Variants in CALN1 observed in about 807,000 individuals in gnomAD.
CALN1 encodes the protein calneuron 1, also known as calcium-binding protein 8.
Under a neutral mutation model 30.6 loss-of-function variants are expected in CALN1, and 17 were observed. The ratio of observed to expected loss-of-function variants is 0.56; its 90% CI spans 0.38 to 0.83. The LOEUF (loss-of-function observed/expected upper bound fraction) is 0.83. Ranked by LOEUF, CALN1 falls within the 40% of genes least tolerant of loss-of-function variation. The probability of loss-of-function intolerance (pLI) is 0.00; values close to 1 mark genes in which losing one functional copy is unlikely to be tolerated. For missense variants in CALN1, 291 were observed against 354.9 expected (o/e 0.82, Z 1.45); for synonymous variants, 156 against 131.4 (o/e 1.19, Z -1.28).
At chr7:72,070,506 T>C (rs1362486783) in intron 4 of CALN1, among the ~76,000 whole-genome samples, 1 of 152,188 alleles carries the variant, frequency 6.6e-6, no homozygotes, top group East Asian at 1.9e-4. Flanking sequence ...CACCTGCTCT[T>C]CATAATTATT....
chr7:72,248,167 T>C (rs1311118519), intron 3 of CALN1, among the ~76,000 whole-genome samples: 1 of 152,156 alleles, frequency 6.6e-6, no homozygotes, highest in Admixed American at 6.5e-5. Flanking sequence ...CAGGCTGGAG[T>C]GCAATGGCAC....
intron 4 of CALN1, among the ~76,000 whole-genome samples, chr7:72,101,949 G>A (rs1010084854): frequency 6.6e-6 from 1 of 152,198 alleles, no homozygotes; most frequent in Non-Finnish European, 1.5e-5. Context: ...TCTAAGGCAG[G>A]ATCTAGCTGG....
intron 2 of CALN1, among the ~76,000 whole-genome samples, chr7:72,361,898 T>C (rs1309755605): frequency 6.6e-6 from 1 of 152,116 alleles, no homozygotes; most frequent in African/African-American, 2.4e-5. Flanking sequence ...GTAATATCCA[T>C]TACAAATCAC....
chr7:72,308,086 G>C (rs1165250389), intron 2 of CALN1, among the ~76,000 whole-genome samples: 4 of 152,106 alleles, frequency 2.6e-5, no homozygotes, highest in Non-Finnish European at 5.9e-5. Context: ...AACTAGGGCT[G>C]GGTGCAGTGG....
chr7:72,282,392 T>C (rs183862527), intron 2 of CALN1, among the ~76,000 whole-genome samples: 9 of 152,246 alleles, frequency 5.9e-5, no homozygotes, highest in East Asian at 1.9e-4. Flanking sequence ...TCTGAATGAA[T>C]GTGTCCCCCA....
intron 5 of CALN1, among the ~76,000 whole-genome samples, chr7:71,901,500 C>T (rs1216503583): frequency 6.7e-6 from 1 of 149,088 alleles, no homozygotes; most frequent in Non-Finnish European, 1.5e-5. Context: ...GAGGCATCAA[C>T]ATTACCTAAC....
At chr7:72,208,994 T>TTCCTTCCCTCCTTCCC in intron 3 of CALN1, among the ~76,000 whole-genome samples, 1 of 145,440 alleles carries the variant, frequency 6.9e-6, no homozygotes. Context: ...ACTTCCTTCC[T>TTCCTTCCCTCCTTCCC]TCCTTCCCTC....
chr7:72,110,061 C>T (rs1218880263), intron 3 of CALN1, among the ~76,000 whole-genome samples: 2 of 152,204 alleles, frequency 1.3e-5, no homozygotes, highest in African/African-American at 4.8e-5. Flanking sequence ...CCCAAGGCAT[C>T]ATCTCCACTT....
rs934029395 is a variant in CALN1 at position 72,345,786 on chromosome 7, A to C, written c.119+57465T>G. On this transcript the variant is annotated intron_variant, in intron 2 of 6. Transcript: ENST00000395275. ...TCAAGTTCGGCCTTAAATTATCTCA[A>C]TAATTGATTAGCCAAAAATGATCTT... is the stretch of plus-strand genomic sequence containing the variant. Among the ~76,000 whole-genome samples the C allele has an allele frequency of 2.0e-5, 3 of 152,210 alleles. No homozygotes were observed. In the South Asian group the frequency reaches 6.2e-4, roughly 31 times the overall value.
intron 3 of CALN1, among the ~76,000 whole-genome samples, chr7:72,225,125 C>T (rs1037625146): frequency 1.1e-4 from 16 of 151,860 alleles, no homozygotes; most frequent in Admixed American, 1.1e-3. Flanking sequence ...CACGATATTC[C>T]AGCATTTTCC....
chr7:72,246,753 A>ATT (rs58282615), intron 3 of CALN1, among the ~76,000 whole-genome samples: 2,270 of 116,536 alleles, frequency 0.019, 87 homozygotes, highest in African/African-American at 0.034. Context: ...TACCAGAACA[A>ATT]TTTTTTTTTT....
chr7:72,411,627 A>G (rs570869387), intron 1 of CALN1, among the ~76,000 whole-genome samples: 2 of 152,234 alleles, frequency 1.3e-5, no homozygotes, highest in Non-Finnish European at 2.9e-5. Flanking sequence ...AATCAGCTCC[A>G]TGGGAGGAAA....
At chr7:72,106,128 G>C (rs1282293457) in intron 4 of CALN1, 23 bp downstream of exon 4, 4 of 1,611,168 alleles carry the variant, frequency 2.5e-6, no homozygotes, top group Non-Finnish European at 3.4e-6. Flanking sequence ...TCTCAGGGGA[G>C]AAGCTGCTTG....
intron 6 of CALN1, among the ~76,000 whole-genome samples, chr7:71,789,913 T>C (rs929031646): frequency 2.7e-4 from 41 of 151,690 alleles, no homozygotes; most frequent in African/African-American, 8.7e-4. Context: ...CTGGGTAACA[T>C]AGAAAGACCC....
chr7:71,794,483 T>A (rs1213940160), intron 6 of CALN1, among the ~76,000 whole-genome samples: 4 of 152,208 alleles, frequency 2.6e-5, no homozygotes, highest in Admixed American at 6.5e-5. Flanking sequence ...AGATCTGACT[T>A]CTTCTCCTAA....
At chr7:72,231,686 G>T (rs1022512526) in intron 3 of CALN1, among the ~76,000 whole-genome samples, 4 of 152,026 alleles carry the variant, frequency 2.6e-5, no homozygotes, top group African/African-American at 9.7e-5. Context: ...TTTCTCATAC[G>T]TAGGTACCTA....
intron 2 of CALN1, among the ~76,000 whole-genome samples, chr7:72,390,139 G>C (rs928976371): frequency 5.3e-5 from 8 of 151,932 alleles, no homozygotes; most frequent in African/African-American, 1.9e-4. Flanking sequence ...TAAGAAATAA[G>C]GGGGATTGGG....
At chr7:71,951,243 C>T (rs1302477338) in intron 5 of CALN1, among the ~76,000 whole-genome samples, 1 of 152,138 alleles carries the variant, frequency 6.6e-6, no homozygotes, top group Non-Finnish European at 1.5e-5. Context: ...TCTCTAACAC[C>T]ATGTACTCTC....
At chr7:71,983,601 G>T (rs1798513695) in intron 5 of CALN1, among the ~76,000 whole-genome samples, 1 of 151,846 alleles carries the variant, frequency 6.6e-6, no homozygotes, top group African/African-American at 2.4e-5. Flanking sequence ...CTGTGATCTT[G>T]GCTCACTGCA....
Sources: gnomAD v4.1 joint callset for allele counts (sites outside exome capture counted in the v4.1 genomes callset) on GRCh38, gnomAD v4.1.1 for gene constraint, MANE v1.5 for transcripts, NCBI Gene and HGNC (gene_info 2026-07-23, HGNC 2026-07-21) for gene names.